PRCP: variants seen among roughly 807,000 people sequenced by gnomAD.
PRCP encodes prolylcarboxypeptidase, also known as lysosomal Pro-X carboxypeptidase.
Under a neutral mutation model 54.2 loss-of-function variants are expected in PRCP, and 46 were observed. That is an observed-to-expected ratio of 0.85 (90% CI 0.67 to 1.09). PRCP has a LOEUF of 1.09. Ranked by LOEUF, PRCP falls within the 50% of genes least tolerant of loss-of-function variation. PRCP has a pLI of 0.00. For missense variants in PRCP, 613 were observed against 596.8 expected (o/e 1.03, Z -0.28); for synonymous variants, 240 against 212.2 (o/e 1.13, Z -1.14).
At position 82,849,128 on chromosome 11, in the gene PRCP, T is replaced by G; in HGVS notation, c.842A>C (p.Glu281Ala). Reference protein sequence around the residue: ...DIQHLKDWISETWVNLAMVDY... With the variant: ...DIQHLKDWISATWVNLAMVDY... ...CACCATTGCCAGATTCACCCAGGTT[T>G]CAGAGATCCAGTCTTTCAAATGTTG... The change falls in exon 6 of 9, where the codon GAA becomes GCA. Residue 281 changes from glutamate to alanine, a missense_variant. Physicochemically the swap from Glu to Ala is moderately radical, Grantham distance 107. Coordinates refer to ENST00000313010, the MANE Select transcript of PRCP (RefSeq NM_005040.4). 1 of 1,614,164 alleles carries G rather than the reference T, an allele frequency of 6.2e-7. No homozygotes were observed. Among genetic ancestry groups the G allele is most frequent in the South Asian group, 1.1e-5 (1 of 91,084 alleles).
At chr11:82,876,571 T>C (rs1420561303) in intron 1 of PRCP, among the ~76,000 whole-genome samples, 1 of 152,184 alleles carries the variant, frequency 6.6e-6, no homozygotes, top group Non-Finnish European at 1.5e-5. Context: ...GGGCCAGTCT[T>C]TCTTGTGCAA....
At chr11:82,827,008 G>A (rs1858252357) in intron 8 of PRCP, 1 of 152,156 alleles carries the variant, frequency 6.6e-6, no homozygotes, top group African/African-American at 2.4e-5. Context: ...GCAAGCATTA[G>A]ATCATTTTCC....
chr11:82,900,517 A>G, upstream of PRCP: 3 of 1,413,464 alleles, frequency 2.1e-6, no homozygotes, highest in Non-Finnish European at 2.9e-6. Flanking sequence ...AGCTCCTCCC[A>G]GGGGAAACCC....
intron 2 of PRCP, chr11:82,858,555 C>T (rs912719640): frequency 2.6e-5 from 4 of 152,162 alleles, no homozygotes; most frequent in African/African-American, 4.8e-5. Flanking sequence ...ACAGAGATAC[C>T]CCAGCAAACC....
At chr11:82,886,162 A>C (rs1003674518) in intron 1 of PRCP, among the ~76,000 whole-genome samples, 5 of 152,188 alleles carry the variant, frequency 3.3e-5, no homozygotes, top group African/African-American at 1.2e-4. Context: ...TCTCCATTAT[A>C]TTTTTGCTGT....
intron 1 of PRCP, among the ~76,000 whole-genome samples, chr11:82,865,264 C>T (rs1004408100): frequency 1.2e-3 from 177 of 152,300 alleles, no homozygotes; most frequent in African/African-American, 4.1e-3. Context: ...CATTATAACA[C>T]GCTCATGCAG....
At position 82,838,438 on chromosome 11, in the gene PRCP, G is replaced by A. The variant is rs755713184; in HGVS notation, c.1223C>T (p.Thr408Ile). 5 of 1,613,986 alleles carry A rather than the reference G, an allele frequency of 3.1e-6. No homozygotes were observed. Among genetic ancestry groups the A allele is most frequent in the Non-Finnish European group, 4.2e-6 (5 of 1,179,934 alleles). The change falls in exon 8 of 9, where the codon ACT (threonine) becomes ATT (isoleucine). Residue 408 changes from threonine (T) to isoleucine (I), a missense_variant. Physicochemically the swap from Thr to Ile is moderately conservative, Grantham distance 89. Transcript: ENST00000313010. ...WGVRPRPSWITTMYGGKNISS... is the reference protein window; with the variant it reads ...WGVRPRPSWIITMYGGKNISS... ...AATGTTTTTGCCTCCATACATAGTA[G>A]TGATCCAGGAGGGCCTTGGTCTCAC...
chr11:82,829,289 A>C (rs1858320312), intron 8 of PRCP: 1 of 152,230 alleles, frequency 6.6e-6, no homozygotes, highest in African/African-American at 2.4e-5. Context: ...AAGTTTCTAC[A>C]TGATTCAGGC....
chr11:82,872,443 A>T (rs951610857), intron 1 of PRCP, among the ~76,000 whole-genome samples: 6 of 152,222 alleles, frequency 3.9e-5, no homozygotes, highest in Admixed American at 3.3e-4. Flanking sequence ...TTAATCCAAT[A>T]TGACTGGTGT....
intron 1 of PRCP, among the ~76,000 whole-genome samples, chr11:82,884,638 C>T (rs1332065015): frequency 1.3e-5 from 2 of 152,176 alleles, no homozygotes; most frequent in Non-Finnish European, 2.9e-5. Context: ...TGTACCAAGG[C>T]ACCTTTTAAC....
At chr11:82,856,773 G>T (rs1859094291) in intron 2 of PRCP, among the ~76,000 whole-genome samples, 1 of 152,112 alleles carries the variant, frequency 6.6e-6, no homozygotes, top group East Asian at 1.9e-4. Context: ...AATGGGCCAG[G>T]CGCAGTCGCT....
chr11:82,873,700 CTCT>C (rs1329983534), intron 1 of PRCP, among the ~76,000 whole-genome samples: 18 of 152,168 alleles, frequency 1.2e-4, no homozygotes, highest in African/African-American at 3.4e-4. Flanking sequence ...TAAAATACAA[CTCT>C]TCTTCTTCCA....
At chr11:82,831,876 A>C (rs1858393260) in intron 8 of PRCP, among the ~76,000 whole-genome samples, 1 of 148,098 alleles carries the variant, frequency 6.8e-6, no homozygotes. Context: ...CCCAACCCTC[A>C]CCCCCCGACA....
chr11:82,892,624 G>T (rs1860029902), intron 1 of PRCP, among the ~76,000 whole-genome samples: 1 of 152,202 alleles, frequency 6.6e-6, no homozygotes, highest in East Asian at 1.9e-4. Context: ...ATTACTGAAT[G>T]ATGGTATCAA....
intron 3 of PRCP, among the ~76,000 whole-genome samples, chr11:82,852,464 T>C (rs1291699872): frequency 1.3e-5 from 2 of 152,204 alleles, no homozygotes; most frequent in Non-Finnish European, 2.9e-5. Context: ...TTGCTTCATT[T>C]TAGTGTAATT....
At chr11:82,835,324 C>T (rs1420354383) in intron 8 of PRCP, among the ~76,000 whole-genome samples, 1 of 152,216 alleles carries the variant, frequency 6.6e-6, no homozygotes, top group East Asian at 1.9e-4. Context: ...AGTCAACTTC[C>T]AGGCAAACAG....
upstream of PRCP, chr11:82,900,940 T>C (rs1860274039): frequency 2.2e-6 from 1 of 445,076 alleles, no homozygotes; most frequent in Non-Finnish European, 4.5e-6. Context: ...GGCACACGCA[T>C]CATCTCCTCT....
intron 1 of PRCP, among the ~76,000 whole-genome samples, chr11:82,883,439 G>T (rs1214705611): frequency 6.6e-6 from 1 of 152,184 alleles, no homozygotes; most frequent in East Asian, 1.9e-4. Context: ...AATGAAAAAT[G>T]TGTAATGTCT....
intron 1 of PRCP, among the ~76,000 whole-genome samples, chr11:82,868,643 CAT>C (rs1859398822): frequency 1.3e-5 from 2 of 151,916 alleles, no homozygotes; most frequent in African/African-American, 2.4e-5. Context: ...GGAAGAAAAA[CAT>C]GTGCAAGGCT....
Sources: allele counts gnomAD v4.1 joint callset (sites outside exome capture counted in the v4.1 genomes callset), GRCh38; gene constraint gnomAD v4.1.1; transcripts MANE v1.5; gene names NCBI Gene and HGNC (gene_info 2026-07-23, HGNC 2026-07-21).